BCO1: variants seen among roughly 807,000 people sequenced by gnomAD.
BCO1 encodes beta-carotene oxygenase 1.
Under a neutral mutation model 56.3 loss-of-function variants are expected in BCO1, and 54 were observed. The ratio of observed to expected loss-of-function variants is 0.96; its 90% CI spans 0.77 to 1.20. The LOEUF is 1.20. Ranked by LOEUF, BCO1 falls within the 50% of genes most tolerant of loss-of-function variation. The pLI is 0.00. For synonymous variants in BCO1, 318 were observed against 266.1 expected (o/e 1.20, Z -1.90); for missense variants, 801 against 690.9 (o/e 1.16, Z -1.79).
intron 2 of BCO1, among the ~76,000 whole-genome samples, chr16:81,255,051 G>A (rs1906044466): frequency 6.6e-6 from 1 of 152,210 alleles, no homozygotes; most frequent in Non-Finnish European, 1.5e-5. Context: ...TCAAACTGCT[G>A]GGATTACAGG....
intron 7 of BCO1, among the ~76,000 whole-genome samples, chr16:81,270,843 C>T (rs897267690): frequency 3.3e-5 from 5 of 152,060 alleles, no homozygotes; most frequent in East Asian, 1.9e-4. Flanking sequence ...CTCCCAGGCT[C>T]ACGCCATTCT....
intron 7 of BCO1, among the ~76,000 whole-genome samples, chr16:81,272,806 C>A (rs1210189687): frequency 4.6e-5 from 7 of 152,198 alleles, no homozygotes; most frequent in Admixed American, 4.6e-4. Context: ...TTTCTTACCT[C>A]ACTTAATGAT....
intron 3 of BCO1, 111 bp from the exon 4 acceptor site, chr16:81,262,025 C>A: frequency 7.4e-7 from 1 of 1,356,052 alleles, no homozygotes; most frequent in Non-Finnish European, 1.0e-6. Context: ...TACAGGCACC[C>A]GGCCGAAGTA....
At chr16:81,253,740 G>T (rs546319103) in intron 2 of BCO1, among the ~76,000 whole-genome samples, 38 of 152,236 alleles carry the variant, frequency 2.5e-4, no homozygotes, top group Non-Finnish European at 4.0e-4. Context: ...AAGGCGGGAG[G>T]ATCGCTTGAG....
intron 2 of BCO1, among the ~76,000 whole-genome samples, chr16:81,245,849 C>CTTTTTTTTT (rs1176582576): frequency 2.1e-5 from 2 of 93,392 alleles, no homozygotes; most frequent in East Asian, 3.6e-4. Flanking sequence ...CCATCTCTGT[C>CTTTTTTTTT]TTTTTTTTTT....
intron 7 of BCO1, among the ~76,000 whole-genome samples, chr16:81,273,272 C>T (rs1261634408): frequency 2.6e-5 from 4 of 152,106 alleles, no homozygotes; most frequent in African/African-American, 7.2e-5. Flanking sequence ...CATGAGCCAC[C>T]GTGGCCGGCC....
At chr16:81,242,314 C>T (rs926065738) in intron 1 of BCO1, among the ~76,000 whole-genome samples, 5 of 151,370 alleles carry the variant, frequency 3.3e-5, no homozygotes, top group African/African-American at 4.9e-5. Context: ...GATTCTCCTG[C>T]CTCAGCCTCC....
intron 10 of BCO1, among the ~76,000 whole-genome samples, chr16:81,289,740 C>T (rs147927891): frequency 2.8e-3 from 419 of 152,308 alleles, no homozygotes; most frequent in Middle Eastern, 0.01. Context: ...GAGATACTCT[C>T]GGCAACCCTG....
In BCO1 at chr16:81,268,039, C is replaced by T; in HGVS notation, c.751C>T (p.Gln251Ter). 1 of 1,613,698 alleles carries T rather than the reference C, an allele frequency of 6.2e-7. No individual in the cohort carries two copies. Among genetic ancestry groups the T allele is most frequent in the Non-Finnish European group, 8.5e-7 (1 of 1,180,016 alleles). The change falls in exon 6 of 11, where the codon CAG becomes TAG. Residue 251 changes from glutamine (Q) to a stop codon, truncating the protein, a stop_gained. Coordinates refer to ENST00000258168, the MANE Select transcript of BCO1 (RefSeq NM_017429.3). LOFTEE classifies it high-confidence loss of function. ...VTENYVIFLE[Q>*]PFRLDILKMA... Reference sequence around the variant, plus strand: ...CGAGAACTATGTCATCTTCCTTGAGCAGCCTTTCAGGTTGGATATTCTCAA... The same window carrying T: ...CGAGAACTATGTCATCTTCCTTGAGTAGCCTTTCAGGTTGGATATTCTCAA...
At chr16:81,273,735 A>C (rs1334729880) in intron 7 of BCO1, among the ~76,000 whole-genome samples, 1 of 151,950 alleles carries the variant, frequency 6.6e-6, no homozygotes, top group East Asian at 1.9e-4. Context: ...TGCTTGCTGC[A>C]CAGAGAAGAC....
intron 4 of BCO1, 52 bp downstream of exon 4, chr16:81,262,335 T>C (rs767322152): frequency 6.3e-7 from 1 of 1,582,736 alleles, no homozygotes; most frequent in Non-Finnish European, 8.7e-7. Context: ...AAAGGGAGAG[T>C]CGGCGACGGC....
intron 2 of BCO1, among the ~76,000 whole-genome samples, chr16:81,247,795 G>A (rs2151927676): frequency 6.6e-6 from 1 of 152,020 alleles, no homozygotes; most frequent in East Asian, 1.9e-4. Flanking sequence ...CAAAGTGCTG[G>A]GGTTACAGGC....
chr16:81,259,655 A>G (rs191428344), intron 2 of BCO1, 21 bp from the exon 3 acceptor site: 3 of 1,614,198 alleles, frequency 1.9e-6, no homozygotes, highest in Non-Finnish European at 2.5e-6. Flanking sequence ...GCCTGAGATT[A>G]TGCTGGTTCT....
chr16:81,275,397 G>A (rs948650075), intron 7 of BCO1, among the ~76,000 whole-genome samples: 44 of 152,364 alleles, frequency 2.9e-4, no homozygotes, highest in Admixed American at 2.2e-3. Context: ...CAGTGATTCT[G>A]CAGTGCAGCC....
intron 8 of BCO1, among the ~76,000 whole-genome samples, chr16:81,284,830 TTTTC>T (rs1462108675): frequency 6.6e-6 from 1 of 150,658 alleles, no homozygotes; most frequent in Non-Finnish European, 1.5e-5. Flanking sequence ...TTTTCTTTTC[TTTTC>T]TTTTCTTTTT....
At chr16:81,286,436 G>C (rs1056971805) in intron 9 of BCO1, among the ~76,000 whole-genome samples, 7 of 152,202 alleles carry the variant, frequency 4.6e-5, no homozygotes, top group Admixed American at 1.3e-4. Context: ...GAGATTAAGA[G>C]AGATTCAGGG....
chr16:81,288,210 A>G (rs1234727942), intron 10 of BCO1, among the ~76,000 whole-genome samples: 1 of 106,494 alleles, frequency 9.4e-6, no homozygotes, highest in Non-Finnish European at 2.5e-5. Flanking sequence ...GTGACATTAA[A>G]CTCTCTCAGA....
chr16:81,260,323 A>C (rs78557052), intron 3 of BCO1, among the ~76,000 whole-genome samples: 1 of 149,686 alleles, frequency 6.7e-6, no homozygotes, highest in Non-Finnish European at 1.5e-5. Flanking sequence ...AAAAAAAAAA[A>C]GGAAGGTGTA....
In BCO1 at chr16:81,238,828, G is replaced by A. The variant is rs1482317890; in HGVS notation, c.-81G>A. ...AGCAGGAGAGCAGGAAGGAAACGCAGGAGGAGGGAGCAGCATCTCCTGTGA... is the reference window on the plus strand; with the variant it reads ...AGCAGGAGAGCAGGAAGGAAACGCAAGAGGAGGGAGCAGCATCTCCTGTGA... On this transcript the variant is annotated 5_prime_UTR_variant, in exon 1 of 11. Coordinates refer to ENST00000258168, the MANE Select transcript of BCO1 (RefSeq NM_017429.3). The A allele has an allele frequency of 5.7e-6, 7 of 1,224,570 alleles. No individual in the cohort carries two copies. Among genetic ancestry groups the A allele is most frequent in the Non-Finnish European group, 8.5e-6 (7 of 825,978 alleles). 75.9% of individuals were successfully genotyped at this position (1,224,570 alleles called of 1,614,324 possible).
Sources: allele counts gnomAD v4.1 joint callset (sites outside exome capture counted in the v4.1 genomes callset), GRCh38; gene constraint gnomAD v4.1.1; transcripts MANE v1.5; gene names NCBI Gene and HGNC (gene_info 2026-07-23, HGNC 2026-07-21).